Variants in NOL4 observed in about 807,000 individuals in gnomAD.
NOL4 encodes nucleolar protein 4, also known as cancer/testis antigen 125.
Under a neutral mutation model 75.9 loss-of-function variants are expected in NOL4, and 17 were observed. That is an observed-to-expected ratio of 0.22 (90% confidence interval 0.15 to 0.34). The LOEUF (loss-of-function observed/expected upper bound fraction) is 0.34, where lower values mean the gene tolerates loss of function less well. NOL4 is among the 10% of genes least tolerant of loss of function. NOL4 has a pLI of 1.00. For missense variants in NOL4, 614 were observed against 793.5 expected, an observed-to-expected ratio of 0.77 and a Z score of 2.72; for synonymous variants, 292 against 289.9, an observed-to-expected ratio of 1.01 and a Z score of -0.07.
intron 9 of NOL4, among the ~76,000 whole-genome samples, chr18:33,885,496 A>G (rs1370106956): frequency 6.6e-6 from 1 of 152,156 alleles, no homozygotes; most frequent in Non-Finnish European, 1.5e-5. Flanking sequence ...AATCTAATTA[A>G]AAAATGAGCA....
At chr18:34,122,074 T>C (rs1010164683) in intron 2 of NOL4, among the ~76,000 whole-genome samples, 2 of 152,214 alleles carry the variant, frequency 1.3e-5, no homozygotes, top group African/African-American at 4.8e-5. Context: ...AGAAATTTCC[T>C]GTTCCAAATT....
chr18:34,044,423 T>C (rs1482893966), intron 5 of NOL4, among the ~76,000 whole-genome samples: 6 of 152,052 alleles, frequency 3.9e-5, no homozygotes, highest in Admixed American at 1.3e-4. Flanking sequence ...AGATCAAAAG[T>C]ATAAAACTTC....
chr18:34,130,096 A>T, intron 1 of NOL4, 76 bp from the exon 2 acceptor site: 1 of 1,343,108 alleles, frequency 7.4e-7, no homozygotes, highest in Non-Finnish European at 9.7e-7. Flanking sequence ...AATTGTTTAA[A>T]ACAAAATGTT....
intron 2 of NOL4, among the ~76,000 whole-genome samples, chr18:34,109,806 A>C (rs904759171): frequency 4.0e-5 from 6 of 151,884 alleles, no homozygotes; most frequent in African/African-American, 1.4e-4. Flanking sequence ...AATAAATAAA[A>C]TTATAATTAA....
intron 8 of NOL4, among the ~76,000 whole-genome samples, chr18:33,943,590 T>C (rs1364726846): frequency 1.3e-5 from 2 of 151,904 alleles, no homozygotes; most frequent in Non-Finnish European, 1.5e-5. Context: ...TTAAAAAACC[T>C]AATAGACACT....
At chr18:34,088,011 T>C (rs923623971) in intron 5 of NOL4, among the ~76,000 whole-genome samples, 14 of 151,160 alleles carry the variant, frequency 9.3e-5, no homozygotes, top group African/African-American at 3.4e-4. Context: ...AAAATGCAAA[T>C]ATATATATAT....
At chr18:34,115,811 T>C (rs1205492920) in intron 2 of NOL4, among the ~76,000 whole-genome samples, 1 of 152,166 alleles carries the variant, frequency 6.6e-6, no homozygotes, top group Admixed American at 6.5e-5. Context: ...GTGTCCACGT[T>C]CTTGATTTCC....
intron 6 of NOL4, among the ~76,000 whole-genome samples, 174 bp downstream of exon 6, chr18:34,019,144 A>G (rs2074881814): frequency 6.6e-6 from 1 of 152,200 alleles, no homozygotes; most frequent in Non-Finnish European, 1.5e-5. Context: ...ATTATTCCTG[A>G]AATCATATGT....
chr18:33,889,097 G>A (rs1248064425), intron 9 of NOL4, among the ~76,000 whole-genome samples: 1 of 151,858 alleles, frequency 6.6e-6, no homozygotes, highest in African/African-American at 2.4e-5. Flanking sequence ...TTTTTGAAAA[G>A]ATCAACAAAA....
rs201633296 is a variant in NOL4 at position 33,883,444 on chromosome 18, T to A, written c.1543-20A>T. 1 of 1,585,650 alleles carries A rather than the reference T, an allele frequency of 6.3e-7. No homozygotes were observed. Among genetic ancestry groups the A allele is most frequent in the East Asian group, 2.2e-5 (1 of 44,584 alleles). ...CTCATCCTGCAAGGACAGACAGCAT[T>A]CCATTATTTATCACCTCACAGTGCT... is the stretch of plus-strand genomic sequence containing the variant. On this transcript the variant is annotated intron_variant, in intron 9 of 10. Coordinates refer to ENST00000261592, the MANE Select transcript of NOL4 (RefSeq NM_003787.5).
intron 1 of NOL4, among the ~76,000 whole-genome samples, chr18:34,130,635 C>G (rs530349901): frequency 7.9e-5 from 12 of 152,032 alleles, no homozygotes; most frequent in South Asian, 2.1e-4. Flanking sequence ...ACTTAAACTT[C>G]TCTAAATTTC....
intron 2 of NOL4, among the ~76,000 whole-genome samples, chr18:34,126,001 A>T (rs1040916710): frequency 2.0e-5 from 3 of 151,908 alleles, no homozygotes; most frequent in Non-Finnish European, 4.4e-5. Flanking sequence ...AGAAGTTATT[A>T]CTATTCCTGT....
intron 5 of NOL4, among the ~76,000 whole-genome samples, chr18:34,047,507 T>C (rs887481101): frequency 3.3e-5 from 5 of 152,058 alleles, no homozygotes; most frequent in African/African-American, 4.8e-5. Flanking sequence ...GGAATACCCA[T>C]TGATAGTCAT....
At chr18:34,028,044 T>C (rs556904411) in intron 5 of NOL4, among the ~76,000 whole-genome samples, 2 of 152,338 alleles carry the variant, frequency 1.3e-5, no homozygotes, top group East Asian at 3.9e-4. Context: ...GAAAAACTAA[T>C]CTAAGTTACT....
intron 9 of NOL4, among the ~76,000 whole-genome samples, chr18:33,900,504 C>T (rs914496623): frequency 7.2e-5 from 11 of 152,118 alleles, no homozygotes; most frequent in East Asian, 1.9e-4. Flanking sequence ...ATAAAACTCA[C>T]TTTTTATATA....
chr18:34,079,563 G>A (rs1460010518), intron 5 of NOL4, among the ~76,000 whole-genome samples: 1 of 151,996 alleles, frequency 6.6e-6, no homozygotes, highest in Non-Finnish European at 1.5e-5. Context: ...ACACACACTT[G>A]CTCCGATCTT....
At chr18:34,142,953 TTAC>T (rs2081243146) in intron 1 of NOL4, among the ~76,000 whole-genome samples, 1 of 152,074 alleles carries the variant, frequency 6.6e-6, no homozygotes, top group East Asian at 1.9e-4. Context: ...AATAAAAATA[TTAC>T]AAACCTTTAA....
chr18:33,956,592 A>C (rs2069667050), intron 8 of NOL4, among the ~76,000 whole-genome samples: 2 of 152,208 alleles, frequency 1.3e-5, no homozygotes, highest in African/African-American at 4.8e-5. Flanking sequence ...TGGGAAAGGC[A>C]TACATTGTAA....
chr18:33,964,275 AT>A (rs2070390436), intron 6 of NOL4, among the ~76,000 whole-genome samples: 1 of 152,168 alleles, frequency 6.6e-6, no homozygotes. Flanking sequence ...TTAAATTGCA[AT>A]TTTAAAAACT....
Sources: allele counts gnomAD v4.1 joint callset (sites outside exome capture counted in the v4.1 genomes callset), GRCh38; gene constraint gnomAD v4.1.1; transcripts MANE v1.5; gene names NCBI Gene and HGNC (gene_info 2026-07-23, HGNC 2026-07-21).